Variants in ATP10D observed in about 807,000 individuals in gnomAD.
ATP10D encodes the protein ATPase phospholipid transporting 10D (putative).
In ATP10D, 89 loss-of-function variants were observed where a neutral mutation model predicts 144.8. The observed-to-expected ratio is 0.61, with a 90% confidence interval of 0.52 to 0.73. The LOEUF (loss-of-function observed/expected upper bound fraction) is 0.73. ATP10D is among the 30% of genes least tolerant of loss of function. The pLI is 0.00. For missense variants in ATP10D, 1,603 were observed against 1,714.8 expected (o/e 0.93, Z 1.15); for synonymous variants, 571 against 615.1 (o/e 0.93, Z 1.06).
intron 22 of ATP10D, among the ~76,000 whole-genome samples, chr4:47,590,496 AGGTT>A (rs1428388697): frequency 9.2e-5 from 14 of 152,150 alleles, no homozygotes; most frequent in African/African-American, 3.4e-4. Flanking sequence ...AAAAGAAATG[AGGTT>A]ATACAGGAAA....
intron 1 of ATP10D, among the ~76,000 whole-genome samples, chr4:47,506,953 T>C (rs955634080): frequency 6.6e-6 from 1 of 152,220 alleles, no homozygotes; most frequent in Non-Finnish European, 1.5e-5. Flanking sequence ...GTCTACTAGA[T>C]TGCTGGACTT....
chr4:47,590,497 G>A (rs896195242), intron 22 of ATP10D, among the ~76,000 whole-genome samples: 1 of 152,080 alleles, frequency 6.6e-6, no homozygotes, highest in Non-Finnish European at 1.5e-5. Flanking sequence ...AAAGAAATGA[G>A]GTTATACAGG....
rs749518084 is a variant in ATP10D at position 47,569,114 on chromosome 4, G to A, written c.3131G>A (p.Arg1044His). 26 of 1,613,700 alleles carry A rather than the reference G, an allele frequency of 1.6e-5. No homozygotes were observed. The highest frequency in any genetic ancestry group is 6.7e-5 in the Admixed American group (4 of 60,000). ...AAAAGTGAAGTGGTGAAATTGGTCC[G>A]CAGCCATCTCCAGGTGATGACCCTT... ...LQKSEVVKLV[R>H]SHLQVMTLAI... The change falls in exon 16 of 23, where the codon CGC (arginine) becomes CAC (histidine). Residue 1044 changes from arginine to histidine, a missense_variant. Arg to His is a conservative substitution (Grantham distance 29). Transcript: ENST00000273859.
intron 21 of ATP10D, among the ~76,000 whole-genome samples, chr4:47,585,378 A>C (rs1720738411): frequency 6.6e-6 from 1 of 152,028 alleles, no homozygotes; most frequent in African/African-American, 2.4e-5. Context: ...GGTACATAGT[A>C]GGTGTATATA....
chr4:47,497,321 G>A (rs1715440364), intron 1 of ATP10D, among the ~76,000 whole-genome samples: 1 of 152,152 alleles, frequency 6.6e-6, no homozygotes, highest in African/African-American at 2.4e-5. Context: ...CGGGCGTGGT[G>A]GCATGTGCCT....
In ATP10D at chr4:47,520,819, G is replaced by C. The variant is rs187101138; in HGVS notation, c.486-2193G>C. Among the ~76,000 whole-genome samples the C allele has an allele frequency of 1.8e-3, 273 of 152,098 alleles. 1 individual carries two copies. Among genetic ancestry groups the C allele is most frequent in the Non-Finnish European group, 3.2e-3 (215 of 68,004 alleles). On this transcript the variant is annotated intron_variant, in intron 3 of 22. Coordinates refer to ENST00000273859, the MANE Select transcript of ATP10D (RefSeq NM_020453.4). ...TCTGACCCTGTGATCCGCCCCCCTC[G>C]GCCTCCCAAAGTGCTGGGATTACTG... is the stretch of plus-strand genomic sequence containing the variant.
intron 1 of ATP10D, among the ~76,000 whole-genome samples, chr4:47,497,169 A>T (rs1364753006): frequency 6.6e-6 from 1 of 150,658 alleles, no homozygotes; most frequent in African/African-American, 2.4e-5. Context: ...AAAATAGACC[A>T]TTGTAGCCGG....
intron 21 of ATP10D, among the ~76,000 whole-genome samples, chr4:47,584,488 G>GCGCC (rs1720685882): frequency 6.6e-6 from 1 of 152,124 alleles, no homozygotes; most frequent in Non-Finnish European, 1.5e-5. Context: ...CGCCTCCCAG[G>GCGCC]TTCATGCCAT....
At position 47,512,570 on chromosome 4, in the gene ATP10D, T is replaced by C; in HGVS notation, c.30T>C (p.Tyr10=). 5 of 1,614,100 alleles carry C rather than the reference T, an allele frequency of 3.1e-6. No individual in the cohort carries two copies. The highest frequency in any genetic ancestry group is 4.2e-6 in the Non-Finnish European group (5 of 1,179,966). The change falls in exon 2 of 23, where the codon TAT becomes TAC. Residue 10 remains tyrosine, a synonymous_variant. Transcript: ENST00000273859. Reference sequence around the variant, plus strand: ...CTGAGGCTCTCCAATGGGCCAGATATCACTGGCGACGGCTGATCAGAGGTG... The same window carrying C: ...CTGAGGCTCTCCAATGGGCCAGATACCACTGGCGACGGCTGATCAGAGGTG... The part of the protein sequence containing the change: MTEALQWAR[Y]HWRRLIRGAT...
intron 9 of ATP10D, among the ~76,000 whole-genome samples, chr4:47,539,088 CCA>C (rs1717999911): frequency 6.6e-6 from 1 of 152,266 alleles, no homozygotes; most frequent in Admixed American, 6.5e-5. Flanking sequence ...ATTCTGCCTA[CCA>C]CAGTCTCTAA....
Position 47,572,919 on chromosome 4 carries a change from C to T in ATP10D, c.3288C>T (p.Ser1096=). 6.2e-7 allele frequency: 1 copy of T among 1,614,106 alleles called. No individual in the cohort carries two copies. The highest frequency in any genetic ancestry group is 8.5e-7 in the Non-Finnish European group (1 of 1,179,996). ...CCGTTTCTCAGTTCAAACATCTCAG[C>T]AAGCTCCTTCTTGTCCATGGACACT... is the stretch of plus-strand genomic sequence containing the variant. ...DFAVSQFKHL[S]KLLLVHGHWC... Residue 1096 remains serine (S), a synonymous_variant, in exon 18 of 23, where the codon AGC becomes AGT. Transcript: ENST00000273859.
At chr4:47,528,820 TA>T (rs1336600484) in intron 5 of ATP10D, among the ~76,000 whole-genome samples, 2 of 152,112 alleles carry the variant, frequency 1.3e-5, no homozygotes, top group Non-Finnish European at 2.9e-5. Context: ...CAACATCTGT[TA>T]TTTTTTTACT....
chr4:47,580,095 T>C lies in ATP10D; in HGVS notation c.3568-303T>C, dbSNP rs558746001. 1.2e-3 allele frequency among the ~76,000 whole-genome samples: 176 copies of C among 152,350 alleles called. 1 individual carries two copies. The highest frequency in any genetic ancestry group is 2.1e-3 in the South Asian group (10 of 4,828). On this transcript the variant is annotated intron_variant, in intron 19 of 22. Coordinates refer to ENST00000273859, the MANE Select transcript of ATP10D (RefSeq NM_020453.4). ...TAGAGTTGGAGAAGTTTTGAAACAGTACTTTCTGATCAGTAGGAAAGGAGA... is the reference window on the plus strand; with the variant it reads ...TAGAGTTGGAGAAGTTTTGAAACAGCACTTTCTGATCAGTAGGAAAGGAGA...
At chr4:47,531,586 C>T (rs555515706) in intron 5 of ATP10D, among the ~76,000 whole-genome samples, 2 of 152,142 alleles carry the variant, frequency 1.3e-5, no homozygotes, top group Admixed American at 6.6e-5. Context: ...TTAGAAAAGT[C>T]CTTCCATGGA....
intron 9 of ATP10D, among the ~76,000 whole-genome samples, chr4:47,541,049 A>G (rs1718110328): frequency 6.6e-6 from 1 of 152,202 alleles, no homozygotes; most frequent in African/African-American, 2.4e-5. Context: ...TCCACTACCT[A>G]CAAGCTGTGT....
intron 19 of ATP10D, among the ~76,000 whole-genome samples, chr4:47,579,657 AG>A (rs1487058986): frequency 6.6e-6 from 1 of 152,250 alleles, no homozygotes; most frequent in East Asian, 1.9e-4. Flanking sequence ...AGAATGAAAA[AG>A]GTCCATGTTG....
At chr4:47,490,850 C>T in intron 1 of ATP10D, 1 of 363,460 alleles carries the variant, frequency 2.8e-6, no homozygotes, top group Admixed American at 4.0e-5. Flanking sequence ...TCTTGTGAAG[C>T]ACATTATTCA....
At position 47,494,153 on chromosome 4, in the gene ATP10D, C is replaced by G. The variant is rs1159791547; in HGVS notation, c.-38+8634C>G. On this transcript the variant is annotated intron_variant, in intron 1 of 22. Coordinates refer to ENST00000273859, the MANE Select transcript of ATP10D (RefSeq NM_020453.4). ...ATTATTTGCTTCTTGGCAACAGATT[C>G]CCTTTAAAAAAACAGAATTAAACTA... Among the ~76,000 whole-genome samples the G allele has an allele frequency of 9.9e-5, 15 of 152,136 alleles. No individual in the cohort carries two copies. In the East Asian group the frequency reaches 2.9e-3, roughly 29 times the overall value.
At chr4:47,530,385 T>A (rs1717501130) in intron 5 of ATP10D, among the ~76,000 whole-genome samples, 1 of 152,124 alleles carries the variant, frequency 6.6e-6, no homozygotes, top group South Asian at 2.1e-4. Context: ...TTATCGAGTG[T>A]TTTTTCTACA....
Sources: gnomAD v4.1 joint callset for allele counts (sites outside exome capture counted in the v4.1 genomes callset) on GRCh38, gnomAD v4.1.1 for gene constraint, MANE v1.5 for transcripts, NCBI Gene and HGNC (gene_info 2026-07-23, HGNC 2026-07-21) for gene names.